Variants in ZNF618 observed in about 807,000 individuals in gnomAD.
ZNF618 encodes the protein zinc finger protein 618.
In ZNF618, 34 loss-of-function variants were observed where a neutral mutation model predicts 103.0. The ratio of observed to expected loss-of-function variants is 0.33; its 90% CI spans 0.25 to 0.44. The LOEUF (loss-of-function observed/expected upper bound fraction) is 0.44. ZNF618 is among the 20% of genes least tolerant of loss of function. ZNF618 has a pLI of 1.00. For synonymous variants in ZNF618, 551 were observed against 542.2 expected (o/e 1.02, Z -0.23); for missense variants, 1,059 against 1,295.4 (o/e 0.82, Z 2.80).
intron 3 of ZNF618, among the ~76,000 whole-genome samples, chr9:113,993,043 A>G (rs759307875): frequency 1.2e-4 from 18 of 152,198 alleles, no homozygotes; most frequent in Non-Finnish European, 2.5e-4. Context: ...ACTAAACTTA[A>G]TAACTTTGCT....
At chr9:114,016,869 C>A in intron 10 of ZNF618, 85 bp downstream of exon 10, 2 of 1,096,106 alleles carry the variant, frequency 1.8e-6, no homozygotes, top group Non-Finnish European at 2.7e-6. Flanking sequence ...TGGAATTTGG[C>A]CAGGAAATGG....
chr9:114,035,028 A>G (rs950593438), intron 12 of ZNF618, among the ~76,000 whole-genome samples: 1 of 152,130 alleles, frequency 6.6e-6, no homozygotes, highest in Non-Finnish European at 1.5e-5. Flanking sequence ...CTCTGTGTCA[A>G]GCCTCCCTGC....
At chr9:113,940,233 A>G (rs1470476039) in intron 1 of ZNF618, among the ~76,000 whole-genome samples, 1 of 151,826 alleles carries the variant, frequency 6.6e-6, no homozygotes, top group Non-Finnish European at 1.5e-5. Flanking sequence ...TATGGCCTGT[A>G]TAATTTCTTA....
rs1297385448 is a variant in ZNF618 at position 114,002,563 on chromosome 9, G to A, written c.512-61G>A. ...GCTTCCATGTTCTCTTTTGCACTTG[G>A]CACTGGCCCTGTCATTGGCCCGGTA... On this transcript the variant is annotated intron_variant, in intron 5 of 14. Coordinates refer to ENST00000374126, the MANE Select transcript of ZNF618 (RefSeq NM_001318042.2). 5 of 1,566,796 alleles carry A rather than the reference G, an allele frequency of 3.2e-6. No individual in the cohort carries two copies. In the South Asian group the frequency reaches 3.4e-5, roughly 11 times the overall value.
In ZNF618 at chr9:114,036,345, A is replaced by G; in HGVS notation, c.1214A>G (p.Asn405Ser). 6.3e-7 allele frequency: 1 copy of G among 1,584,868 alleles called. No homozygotes were observed. Among genetic ancestry groups the G allele is most frequent in the Non-Finnish European group, 8.6e-7 (1 of 1,164,976 alleles). ...GACGIQFQFY[N>S]NLLEHMQSHA... ...TGTGGGATCCAGTTCCAGTTCTACA[A>G]CAACCTGTTGGAGCACATGCAGTCC... The change falls in exon 13 of 15, where the codon AAC becomes AGC. Residue 405 changes from asparagine to serine, a missense_variant. Around this residue, in one of 6 missense-constraint regions of ZNF618, gnomAD observed 434 missense variants for 476.0 expected, o/e 0.91. Coordinates refer to ENST00000374126, the MANE Select transcript of ZNF618 (RefSeq NM_001318042.2).
chr9:114,034,229 C>T (rs12375798), intron 12 of ZNF618, among the ~76,000 whole-genome samples: 88 of 152,268 alleles, frequency 5.8e-4, no homozygotes, highest in Admixed American at 2.5e-3. Flanking sequence ...TTTTGAACAA[C>T]GTAATCCACC....
In ZNF618 at chr9:114,050,445, C is replaced by G; in HGVS notation, c.*278C>G. The G allele has an allele frequency of 1.2e-5, 2 of 169,998 alleles. No homozygotes were observed. The highest frequency in any genetic ancestry group is 1.1e-5 in the Non-Finnish European group (1 of 92,860). 10.5% of individuals were successfully genotyped at this position (169,998 alleles called of 1,614,324 possible). A position where few individuals can be genotyped will look rare whatever the true frequency, so the allele number is the denominator to read the frequency against. On this transcript the variant is annotated 3_prime_UTR_variant, in exon 15 of 15. Coordinates refer to ENST00000374126, the MANE Select transcript of ZNF618 (RefSeq NM_001318042.2). ...GCCAGAGAAACTTTGCACACACGCA[C>G]ACACACACACACACACACACACACA...
At position 114,048,755 on chromosome 9, in the gene ZNF618, A is replaced by G. The variant is rs1326530859; in HGVS notation, c.1453A>G (p.Ser485Gly). The G allele has an allele frequency of 1.9e-6, 3 of 1,613,990 alleles. No homozygotes were observed. The African/African-American group carries it at 4.0e-5, about 22-fold the overall frequency. The change falls in exon 15 of 15, where the codon AGC becomes GGC. Residue 485 changes from serine (S) to glycine (G), a missense_variant. Coordinates refer to ENST00000374126, the MANE Select transcript of ZNF618 (RefSeq NM_001318042.2). ...CATGTGTGCCGACCTGGGTGCACTG[A>G]GCGTGGTCAGCGGGAAGGAGTTCCT... ...RVMCADLGALSVVSGKEFLKL... is the reference protein window; with the variant it reads ...RVMCADLGALGVVSGKEFLKL...
intron 1 of ZNF618, among the ~76,000 whole-genome samples, chr9:113,891,026 C>T (rs1391181428): frequency 6.6e-6 from 1 of 152,016 alleles, no homozygotes; most frequent in East Asian, 1.9e-4. Context: ...TATTTAGATT[C>T]CATTTTTTTC....
At chr9:113,951,407 A>ATGTG (rs1464512421) in intron 1 of ZNF618, among the ~76,000 whole-genome samples, 1 of 130,450 alleles carries the variant, frequency 7.7e-6, no homozygotes. Flanking sequence ...ATATACGTAT[A>ATGTG]TATACACACA....
chr9:113,914,165 G>A (rs1477786075), intron 1 of ZNF618, among the ~76,000 whole-genome samples: 3 of 152,118 alleles, frequency 2.0e-5, no homozygotes, highest in Non-Finnish European at 4.4e-5. Context: ...TTTTTAAGGC[G>A]GTTGCTCCCC....
At chr9:113,893,642 A>C (rs1004437730) in intron 1 of ZNF618, among the ~76,000 whole-genome samples, 5 of 152,130 alleles carry the variant, frequency 3.3e-5, no homozygotes, top group African/African-American at 1.2e-4. Context: ...TTTCAAGACT[A>C]CATAATATTC....
chr9:113,999,261 C>G (rs953764921), intron 4 of ZNF618, among the ~76,000 whole-genome samples: 28 of 150,276 alleles, frequency 1.9e-4, no homozygotes, highest in African/African-American at 5.7e-4. Flanking sequence ...TTAGGCTGAT[C>G]GAGGGGCAGG....
intron 1 of ZNF618, among the ~76,000 whole-genome samples, chr9:113,917,559 T>C (rs1160583318): frequency 1.3e-5 from 2 of 152,096 alleles, no homozygotes; most frequent in African/African-American, 4.8e-5. Context: ...TGGCAAGCCT[T>C]CTCTTAAGTA....
chr9:113,998,580 G>A (rs1177857543), intron 4 of ZNF618, among the ~76,000 whole-genome samples: 1 of 152,208 alleles, frequency 6.6e-6, no homozygotes, highest in Non-Finnish European at 1.5e-5. Flanking sequence ...GTGGAAATCT[G>A]GACGCCTAGA....
intron 11 of ZNF618, among the ~76,000 whole-genome samples, chr9:114,031,881 G>A (rs915815079): frequency 1.3e-5 from 2 of 151,798 alleles, no homozygotes; most frequent in African/African-American, 4.8e-5. Flanking sequence ...CTTCCAGCTC[G>A]GATCATCTGT....
chr9:113,954,648 C>G (rs1836086158), intron 1 of ZNF618, among the ~76,000 whole-genome samples: 1 of 152,188 alleles, frequency 6.6e-6, no homozygotes, highest in Non-Finnish European at 1.5e-5. Flanking sequence ...TCCTGCACTT[C>G]TGGAGTTTCC....
In ZNF618 at chr9:114,056,278, G is replaced by A. The variant is rs1006881522; in HGVS notation, c.*6111G>A. Reference sequence around the variant, plus strand: ...TGATGTCAAATGGAGGAAAGGAACAGAAAAAAAGATTTTTACAAAGTAATA... The same window carrying A: ...TGATGTCAAATGGAGGAAAGGAACAAAAAAAAAGATTTTTACAAAGTAATA... On this transcript the variant is annotated 3_prime_UTR_variant, in exon 15 of 15. Coordinates refer to ENST00000374126, the MANE Select transcript of ZNF618 (RefSeq NM_001318042.2). The A allele has an allele frequency of 6.6e-6, 1 of 152,128 alleles. No individual in the cohort carries two copies. The highest frequency in any genetic ancestry group is 1.5e-5 in the Non-Finnish European group (1 of 68,026). The allele number at this position is 152,128 out of a possible 1,614,324, so 9.4% of individuals were successfully genotyped here. A position where few individuals can be genotyped will look rare whatever the true frequency, so the allele number is the denominator to read the frequency against.
intron 10 of ZNF618, among the ~76,000 whole-genome samples, chr9:114,024,225 C>T (rs1843302747): frequency 6.6e-6 from 1 of 152,154 alleles, no homozygotes; most frequent in Non-Finnish European, 1.5e-5. Flanking sequence ...TAGAAAAATC[C>T]ATTAAGTGAA....
Sources: allele counts gnomAD v4.1 joint callset (sites outside exome capture counted in the v4.1 genomes callset), GRCh38; gene constraint gnomAD v4.1.1; regional missense constraint gnomAD v4.1.1; transcripts MANE v1.5; gene names NCBI Gene and HGNC (gene_info 2026-07-23, HGNC 2026-07-21).